PES1: variants seen among roughly 807,000 people sequenced by gnomAD.
PES1 encodes pescadillo ribosomal biogenesis factor 1.
PES1 carries 31 observed loss-of-function variants against 77.1 expected under a neutral mutation model. The ratio of observed to expected loss-of-function variants is 0.40; its 90% CI spans 0.30 to 0.54. The LOEUF is 0.54. PES1 is among the 20% of genes least tolerant of loss of function. The pLI is 0.45. For synonymous variants in PES1, 282 were observed against 303.0 expected (o/e 0.93, Z 0.72); for missense variants, 658 against 771.7 (o/e 0.85, Z 1.75).
chr22:30,582,086 C>T (rs737952), intron 6 of PES1, among the ~76,000 whole-genome samples: 4,909 of 152,328 alleles, frequency 0.032, 128 homozygotes, highest in Non-Finnish European at 0.043. Flanking sequence ...ACAATCTTTG[C>T]TGCATGTCTG....
At chr22:30,591,699 G>GATCCCGTCT (rs2087179027) in intron 1 of PES1, 111 bp downstream of exon 1, 1 of 1,246,046 alleles carries the variant, frequency 8.0e-7, no homozygotes, top group African/African-American at 1.5e-5. Context: ...CGGTCACGTC[G>GATCCCGTCT]ATCCCGTCTT....
chr22:30,593,015 G>T (rs1456173568), upstream of PES1, among the ~76,000 whole-genome samples: 1 of 151,050 alleles, frequency 6.6e-6, no homozygotes, highest in Admixed American at 6.6e-5. Flanking sequence ...AATTTCGTTC[G>T]AAGATGATCT....
intron 2 of PES1, among the ~76,000 whole-genome samples, chr22:30,597,833 C>G (rs1394404648): frequency 2.6e-5 from 4 of 151,296 alleles, no homozygotes; most frequent in Admixed American, 6.6e-5. Context: ...GGCTGCCCGA[C>G]TCAGCTGTGG....
upstream of PES1, among the ~76,000 whole-genome samples, chr22:30,593,798 A>G (rs893428897): frequency 4.6e-5 from 7 of 152,216 alleles, no homozygotes; most frequent in Non-Finnish European, 1.0e-4. Flanking sequence ...TTCACAAGGG[A>G]GGAAACTAAG....
chr22:30,601,316 C>G (rs536762837), intron 2 of PES1, among the ~76,000 whole-genome samples: 6 of 152,046 alleles, frequency 3.9e-5, no homozygotes, highest in South Asian at 2.1e-4. Flanking sequence ...ATTATTTGAT[C>G]TAATTTTTTT....
chr22:30,597,983 A>C (rs1336543238), intron 2 of PES1, among the ~76,000 whole-genome samples: 1 of 147,440 alleles, frequency 6.8e-6, no homozygotes, highest in South Asian at 2.2e-4. Flanking sequence ...TCCCGGGTTC[A>C]CGCCATTCTC....
upstream of PES1, among the ~76,000 whole-genome samples, chr22:30,594,505 G>A (rs182159706): frequency 1.6e-3 from 237 of 151,900 alleles, no homozygotes; most frequent in Non-Finnish European, 2.8e-3. Flanking sequence ...GTGCAACAGA[G>A]AGACTCTGTT....
chr22:30,579,716 A>C, intron 12 of PES1, 35 bp downstream of exon 12: 2 of 1,600,252 alleles, frequency 1.2e-6, no homozygotes, highest in Non-Finnish European at 1.7e-6. Flanking sequence ...GCGTGGGCCC[A>C]GGGGTCAAGG....
At chr22:30,601,706 GT>G (rs2087356666) in intron 2 of PES1, 1 of 151,118 alleles carries the variant, frequency 6.6e-6, no homozygotes, top group South Asian at 2.1e-4. Context: ...ACCGCAATTT[GT>G]TTATGCATTC....
chr22:30,588,000 A>G, intron 3 of PES1, 21 bp downstream of exon 3: 1 of 1,612,224 alleles, frequency 6.2e-7, no homozygotes. Context: ...AACCTGACAG[A>G]CCCTAGAGCC....
At chr22:30,592,431 G>A (rs1047922305), upstream of PES1, 57 of 984,804 alleles carry the variant, frequency 5.8e-5, no homozygotes, top group Non-Finnish European at 6.8e-5. Flanking sequence ...ATTTTTCCTC[G>A]CGGAGGTATA....
upstream of PES1, chr22:30,592,013 A>G: frequency 7.3e-7 from 1 of 1,374,780 alleles, no homozygotes; most frequent in Non-Finnish European, 9.4e-7. Flanking sequence ...TCAAGATTTA[A>G]AACTATAGTC....
At chr22:30,602,845 C>CA (rs2087377195) in intron 2 of PES1, among the ~76,000 whole-genome samples, 1 of 152,104 alleles carries the variant, frequency 6.6e-6, no homozygotes, top group Non-Finnish European at 1.5e-5. Flanking sequence ...GTTCCTGCAC[C>CA]ATTTGATGAA....
At chr22:30,586,509 C>T (rs1033010193) in intron 4 of PES1, among the ~76,000 whole-genome samples, 3 of 152,318 alleles carry the variant, frequency 2.0e-5, no homozygotes, top group East Asian at 1.9e-4. Flanking sequence ...CCGGGTCAGA[C>T]TATTCTATGT....
chr22:30,578,331 C>T (rs906963043), intron 14 of PES1, among the ~76,000 whole-genome samples: 1 of 152,080 alleles, frequency 6.6e-6, no homozygotes, highest in African/African-American at 2.4e-5. Flanking sequence ...CTCCCAAACA[C>T]GGGTCATTAT....
chr22:30,583,183 G>T (rs1279020547), intron 6 of PES1, among the ~76,000 whole-genome samples: 1 of 152,172 alleles, frequency 6.6e-6, no homozygotes, highest in East Asian at 1.9e-4. Flanking sequence ...GGAGAGGAGG[G>T]CTGGGGAAGG....
At position 30,578,953 on chromosome 22, in the gene PES1, G is replaced by T; in HGVS notation, c.1567C>A (p.Arg523=). ...TCACTCTCCTCCTCCTGGGCCAGCC[G>T]CTGCTTATCCTCCAGCTTCAAGGTG... ...AGTLKLEDKQ[R]LAQEEESEAK... is the part of the protein sequence containing the mutation. The change falls in exon 14 of 15, where the codon CGG becomes AGG. Residue 523 remains arginine (R), a synonymous_variant. Transcript: ENST00000354694. 6.2e-7 allele frequency: 1 copy of T among 1,613,010 alleles called. No homozygotes were observed.
intron 1 of PES1, among the ~76,000 whole-genome samples, chr22:30,591,484 G>A (rs952740842): frequency 3.9e-5 from 6 of 152,116 alleles, no homozygotes; most frequent in Non-Finnish European, 7.4e-5. Context: ...GTGCAGTAAC[G>A]GTGAGCTCTA....
chr22:30,580,078 C>T lies in PES1; in HGVS notation c.1144G>A (p.Gly382Arg). ...RITHQIVDRP[G>R]QQTSVIGRCY... The stretch of plus-strand genomic sequence containing the variant: ...CTGCCAATGACTGAGGTCTGCTGCC[C>T]AGGCCGGTCGACAATCTGATGGGTG... Residue 382 changes from glycine (G) to arginine (R), a missense_variant, in exon 11 of 15, where the codon GGG (glycine) becomes AGG (arginine). Physicochemically the swap from Gly to Arg is moderately radical, Grantham distance 125 (BLOSUM62 -2). Coordinates refer to ENST00000354694, the MANE Select transcript of PES1 (RefSeq NM_014303.4). 1 of 1,614,120 alleles carries T rather than the reference C, an allele frequency of 6.2e-7. No homozygotes were observed. Among genetic ancestry groups the T allele is most frequent in the Non-Finnish European group, 8.5e-7 (1 of 1,180,002 alleles).
Sources: allele counts gnomAD v4.1 joint callset (sites outside exome capture counted in the v4.1 genomes callset), GRCh38; gene constraint gnomAD v4.1.1; transcripts MANE v1.5; gene names NCBI Gene and HGNC (gene_info 2026-07-23, HGNC 2026-07-21).